PODXL: variants seen among roughly 807,000 people sequenced by gnomAD.
PODXL encodes the protein podocalyxin like, also known as podocalyxin.
In PODXL, 20 loss-of-function variants were observed where a neutral mutation model predicts 48.9. The observed-to-expected ratio is 0.41, with a 90% CI of 0.29 to 0.59. The LOEUF (loss-of-function observed/expected upper bound fraction) is 0.59. PODXL is among the 20% of genes least tolerant of loss of function. The pLI is 0.31. For missense variants in PODXL, 606 were observed against 675.1 expected, an observed-to-expected ratio of 0.90 and a Z score of 1.13; for synonymous variants, 295 against 287.4, an observed-to-expected ratio of 1.03 and a Z score of -0.27.
At chr7:131,522,830 T>C (rs541979909) in intron 1 of PODXL, among the ~76,000 whole-genome samples, 24 of 152,382 alleles carry the variant, frequency 1.6e-4, no homozygotes, top group African/African-American at 5.8e-4. Flanking sequence ...TTTGTTTTCC[T>C]GGTTCATCCA....
intron 1 of PODXL, among the ~76,000 whole-genome samples, chr7:131,543,059 T>C (rs1798509043): frequency 6.6e-6 from 1 of 152,328 alleles, no homozygotes; most frequent in East Asian, 1.9e-4. Flanking sequence ...CTGCTTTTCT[T>C]TTTTGTCATC....
At chr7:131,552,300 A>G (rs1798681056) in intron 1 of PODXL, among the ~76,000 whole-genome samples, 1 of 152,162 alleles carries the variant, frequency 6.6e-6, no homozygotes. Context: ...CATGGAACAC[A>G]CTTTGGTTCT....
chr7:131,548,924 C>T (rs1306432238), intron 1 of PODXL, among the ~76,000 whole-genome samples: 2 of 152,166 alleles, frequency 1.3e-5, no homozygotes, highest in Non-Finnish European at 2.9e-5. Context: ...CTAAGCCAGC[C>T]CTGACACCTA....
intron 1 of PODXL, among the ~76,000 whole-genome samples, chr7:131,532,104 AAAT>A (rs34353284): frequency 7.3e-6 from 1 of 137,216 alleles, no homozygotes; most frequent in Non-Finnish European, 1.5e-5. Flanking sequence ...CTCCATCTCA[AAAT>A]AATAATAATA....
At chr7:131,505,811 AGGGTTCCTCT>A in intron 8 of PODXL, 47 bp downstream of exon 8, 1 of 1,467,508 alleles carries the variant, frequency 6.8e-7, no homozygotes, top group Non-Finnish European at 9.1e-7. Flanking sequence ...TCACGAGGGG[AGGGTTCCTCT>A]GGTGACCTGG....
chr7:131,512,152 A>C (rs1341271040), intron 1 of PODXL, among the ~76,000 whole-genome samples: 1 of 152,202 alleles, frequency 6.6e-6, no homozygotes, highest in African/African-American at 2.4e-5. Context: ...CTGTGCCAAG[A>C]AAGAAAGGCC....
At chr7:131,523,428 AT>A (rs1333533468) in intron 1 of PODXL, among the ~76,000 whole-genome samples, 2 of 152,202 alleles carry the variant, frequency 1.3e-5, no homozygotes, top group African/African-American at 4.8e-5. Flanking sequence ...CACGCCTGTA[AT>A]CCCAGCATTT....
intron 1 of PODXL, among the ~76,000 whole-genome samples, chr7:131,515,009 T>A (rs548363753): frequency 1.2e-3 from 186 of 152,318 alleles, no homozygotes; most frequent in African/African-American, 4.2e-3. Context: ...TATAGGCAGT[T>A]GTCCTATGCA....
rs1175023947 is a variant in PODXL, at chr7:131,505,904, G to A, written c.1443C>T (p.Gly481=). The stretch of plus-strand genomic sequence containing the variant: ...TCTGGGAGAGGCGCTGGTGGCAGCA[G>A]CCATAGAGGGCCGCCACGAGGAGCA... ...SFLLLVAALY[G]CCHQRLSQRK... Residue 481 remains glycine, a synonymous_variant, in exon 8 of 9, where the codon GGC becomes GGT. Coordinates refer to ENST00000378555, the MANE Select transcript of PODXL (RefSeq NM_001018111.3). The A allele has an allele frequency of 7.6e-6, 12 of 1,577,878 alleles. No homozygotes were observed. Among genetic ancestry groups the A allele is most frequent in the South Asian group, 1.2e-5 (1 of 86,284 alleles).
At chr7:131,550,263 T>C (rs1798648242) in intron 1 of PODXL, among the ~76,000 whole-genome samples, 1 of 152,168 alleles carries the variant, frequency 6.6e-6, no homozygotes, top group Non-Finnish European at 1.5e-5. Context: ...AACTCTTAAA[T>C]AGCAACATGG....
intron 1 of PODXL, among the ~76,000 whole-genome samples, chr7:131,524,379 C>CAGAGAGAGAGAGAG (rs58163575): frequency 0.012 from 1,280 of 104,034 alleles, 19 homozygotes; most frequent in South Asian, 0.027. Context: ...CACACACACA[C>CAGAGAGAGAGAGAG]AGAGAGAGAG....
At chr7:131,523,329 G>T (rs191695464) in intron 1 of PODXL, among the ~76,000 whole-genome samples, 14 of 152,254 alleles carry the variant, frequency 9.2e-5, no homozygotes, top group African/African-American at 3.1e-4. Context: ...GCTCATCATG[G>T]ACAGTTCAGT....
chr7:131,545,127 A>C (rs983090682), intron 1 of PODXL, among the ~76,000 whole-genome samples: 1 of 152,212 alleles, frequency 6.6e-6, no homozygotes. Context: ...GTCTGCCCCC[A>C]TCTGGGCAGA....
intron 1 of PODXL, among the ~76,000 whole-genome samples, chr7:131,525,800 ATAAT>A (rs1584819795): frequency 6.6e-6 from 1 of 152,190 alleles, no homozygotes; most frequent in Non-Finnish European, 1.5e-5. Flanking sequence ...GATTGAACAA[ATAAT>A]TAAATAAACT....
In PODXL at chr7:131,532,521, G is replaced by GGC. The variant is rs1370543733; in HGVS notation, c.101-21089_101-21088insGC. On this transcript the variant is annotated intron_variant, in intron 1 of 8. Coordinates refer to ENST00000378555, the MANE Select transcript of PODXL (RefSeq NM_001018111.3). ...TTTACTTGTATATCTTTTTTTTGGA[G>GGC]GGGGGGTACATTTTTGGTCTGCCAT... 1.6e-3 allele frequency among the ~76,000 whole-genome samples: 9 copies of GGC among 5,520 alleles called. No homozygotes were observed. The East Asian group carries it at 0.031, about 19-fold the overall frequency. 3.6% of individuals were successfully genotyped at this position (5,520 alleles called of 152,430 possible).
In PODXL at chr7:131,556,343, G is replaced by C. The variant is rs775211217; in HGVS notation, c.17C>G (p.Ala6Gly). 3 of 1,458,174 alleles carry C rather than the reference G, an allele frequency of 2.1e-6. No homozygotes were observed. In the East Asian group the frequency reaches 8.4e-5, roughly 41 times the overall value. 90.3% of individuals were successfully genotyped at this position (1,458,174 alleles called of 1,614,324 possible). MRCAL[A>G]LSALLLLLST... Reference sequence around the variant, plus strand: ...CAACAGTAGCAGCAGCGCCGAGAGCGCCAGCGCGCAGCGCATCGTGTCGTC... The same window carrying C: ...CAACAGTAGCAGCAGCGCCGAGAGCCCCAGCGCGCAGCGCATCGTGTCGTC... Residue 6 changes from alanine (A) to glycine (G), a missense_variant, in exon 1 of 9, where the codon GCG (alanine) becomes GGG (glycine). Coordinates refer to ENST00000378555, the MANE Select transcript of PODXL (RefSeq NM_001018111.3).
At chr7:131,520,384 C>A in intron 1 of PODXL, 2 of 416,524 alleles carry the variant, frequency 4.8e-6, no homozygotes, top group East Asian at 6.5e-5. Context: ...CATACCTATC[C>A]CTGTGCGGTT....
intron 1 of PODXL, among the ~76,000 whole-genome samples, chr7:131,523,678 CAAAAA>C (rs753654977): frequency 3.2e-5 from 2 of 61,940 alleles, no homozygotes; most frequent in Non-Finnish European, 5.0e-5. Flanking sequence ...GAATCCGTCT[CAAAAA>C]AAAAAAAAAA....
In PODXL at chr7:131,501,379, C is replaced by T. The variant is rs908817285; in HGVS notation, c.*2932G>A. 6.6e-6 allele frequency: 1 copy of T among 152,568 alleles called. No homozygotes were observed. The highest frequency in any genetic ancestry group is 6.5e-5 in the Admixed American group (1 of 15,272). The allele number at this position is 152,568 out of a possible 1,614,324, so 9.5% of individuals were successfully genotyped here. A position where few individuals can be genotyped will look rare whatever the true frequency, so the allele number is the denominator to read the frequency against. ...ATATGTGTATATGTATCAGTTTGAA[C>T]TTGTTCTTCAAAGTTTCTCCAGTAT... is the stretch of plus-strand genomic sequence containing the variant. On this transcript the variant is annotated 3_prime_UTR_variant, in exon 9 of 9. Transcript: ENST00000378555.
Sources: gnomAD v4.1 joint callset for allele counts (sites outside exome capture counted in the v4.1 genomes callset) on GRCh38, gnomAD v4.1.1 for gene constraint, MANE v1.5 for transcripts, NCBI Gene and HGNC (gene_info 2026-07-23, HGNC 2026-07-21) for gene names.